Variants in TRDN observed in about 807,000 individuals in gnomAD.
TRDN encodes triadin.
A neutral mutation model predicts 149.7 loss-of-function variants in TRDN; 161 were observed. The observed-to-expected ratio is 1.08, with a 90% CI of 0.95 to 1.23. TRDN has a LOEUF of 1.23. Ranked by LOEUF, TRDN falls within the 50% of genes most tolerant of loss-of-function variation. The pLI is 0.00. For synonymous variants in TRDN, 294 were observed against 250.5 expected (o/e 1.17, Z -1.64); for missense variants, 896 against 823.5 (o/e 1.09, Z -1.08).
In TRDN at chr6:123,551,203, GATATATAT is replaced by G. The variant is rs10547981; in HGVS notation, c.233-2599_233-2592del. Among the ~76,000 whole-genome samples, 28 of 118,090 alleles carry G rather than the reference GATATATAT, an allele frequency of 2.4e-4. 4 individuals are homozygous for G. Among genetic ancestry groups the G allele is most frequent in the East Asian group, 3.9e-4 (2 of 5,102 alleles). 77.5% of individuals were successfully genotyped at this position (118,090 alleles called of 152,430 possible). On this transcript the variant is annotated intron_variant, in intron 2 of 40. Transcript: ENST00000334268. Reference sequence around the variant, plus strand: ...TTAAATGCACTGTATGTATTTTGCAGATATATATATATATATATATTGCCTGGTTCTAA... The same window carrying G: ...TTAAATGCACTGTATGTATTTTGCAGATATATATATATTGCCTGGTTCTAA...
At chr6:123,407,410 T>A (rs1773239898) in intron 12 of TRDN, among the ~76,000 whole-genome samples, 1 of 152,176 alleles carries the variant, frequency 6.6e-6, no homozygotes, top group South Asian at 2.1e-4. Context: ...ATACTATCAT[T>A]TCTTGGAAAC....
At chr6:123,614,175 T>C (rs1428939816) in intron 1 of TRDN, among the ~76,000 whole-genome samples, 6 of 151,516 alleles carry the variant, frequency 4.0e-5, no homozygotes, top group Non-Finnish European at 1.5e-5. Context: ...AAGTGATTCA[T>C]ATACATGTTA....
At chr6:123,363,584 T>G (rs1296784694) in intron 20 of TRDN, among the ~76,000 whole-genome samples, 1 of 152,200 alleles carries the variant, frequency 6.6e-6, no homozygotes, top group Non-Finnish European at 1.5e-5. Context: ...ATGTCAATAA[T>G]GCATGCGAAT....
intron 1 of TRDN, among the ~76,000 whole-genome samples, chr6:123,618,638 T>C (rs1477478592): frequency 6.6e-6 from 1 of 152,208 alleles, no homozygotes; most frequent in Non-Finnish European, 1.5e-5. Flanking sequence ...TCAGTAGACA[T>C]TGTGTGAGCA....
At chr6:123,556,025 A>G (rs1781636773) in intron 2 of TRDN, among the ~76,000 whole-genome samples, 1 of 152,188 alleles carries the variant, frequency 6.6e-6, no homozygotes, top group Non-Finnish European at 1.5e-5. Context: ...TTTTTATTTA[A>G]CACTTTAGCA....
At chr6:123,528,264 CTG>C (rs1780045845) in intron 5 of TRDN, among the ~76,000 whole-genome samples, 1 of 102,498 alleles carries the variant, frequency 9.8e-6, no homozygotes, top group Non-Finnish European at 2.1e-5. Context: ...ATTACATATT[CTG>C]TGTGATTTTT....
chr6:123,247,311 C>T (rs537875902), intron 38 of TRDN, among the ~76,000 whole-genome samples: 5 of 152,304 alleles, frequency 3.3e-5, no homozygotes, highest in African/African-American at 9.6e-5. Context: ...GTCAAATTGT[C>T]TCTGTTTGCA....
intron 9 of TRDN, among the ~76,000 whole-genome samples, chr6:123,488,401 T>C (rs1266497757): frequency 1.3e-5 from 2 of 152,170 alleles, no homozygotes; most frequent in Non-Finnish European, 2.9e-5. Context: ...TGTGGTGAGT[T>C]CAAAGTCTCC....
At chr6:123,620,169 A>G (rs2025075) in intron 1 of TRDN, among the ~76,000 whole-genome samples, 36,967 of 152,106 alleles carry the variant, frequency 0.24, 4,702 homozygotes, top group East Asian at 0.43. Context: ...TTAGTAGGGA[A>G]TTTGTTTTTA....
intron 38 of TRDN, among the ~76,000 whole-genome samples, chr6:123,232,124 A>C (rs2114523759): frequency 6.6e-6 from 1 of 152,128 alleles, no homozygotes; most frequent in Non-Finnish European, 1.5e-5. Context: ...GGAATAGCAC[A>C]GAAGAGTAGG....
intron 13 of TRDN, 140 bp from the exon 14 acceptor site, chr6:123,388,691 G>T: frequency 1.2e-6 from 1 of 856,974 alleles, no homozygotes; most frequent in Non-Finnish European, 1.8e-6. Context: ...TCTATGATAG[G>T]AGTGTAAGCA....
At chr6:123,333,273 A>C (rs1386087882) in intron 22 of TRDN, among the ~76,000 whole-genome samples, 1 of 152,002 alleles carries the variant, frequency 6.6e-6, no homozygotes, top group Non-Finnish European at 1.5e-5. Flanking sequence ...AAGATTCAGC[A>C]TGTTGATCTA....
At chr6:123,350,635 A>AT (rs1406146994) in intron 21 of TRDN, 5 of 761,770 alleles carry the variant, frequency 6.6e-6, no homozygotes, top group African/African-American at 1.9e-5. Flanking sequence ...CAAAATATCT[A>AT]TTTTTTGTAT....
chr6:123,605,937 G>T (rs1449658177), intron 1 of TRDN, among the ~76,000 whole-genome samples: 2 of 152,100 alleles, frequency 1.3e-5, no homozygotes, highest in Non-Finnish European at 2.9e-5. Flanking sequence ...AGTGGCATGG[G>T]CAGAGACTGG....
At chr6:123,363,822 C>T (rs1315001785) in intron 20 of TRDN, among the ~76,000 whole-genome samples, 1 of 152,196 alleles carries the variant, frequency 6.6e-6, no homozygotes, top group African/African-American at 2.4e-5. Context: ...ACCCTAAATA[C>T]TGTTCAATCA....
At position 123,548,548 on chromosome 6, in the gene TRDN, G is replaced by T. The variant is rs1781230745; in HGVS notation, c.297C>A (p.Thr99=). ...LKLVRDAMEE[T]TDWIYGFFSL... is the part of the protein sequence containing the mutation. Reference sequence around the variant, plus strand: ...AAAAGAAGCCATAGATCCAGTCCGTGGTTTCCTCCATAGCATCACGTACCA... The same window carrying T: ...AAAAGAAGCCATAGATCCAGTCCGTTGTTTCCTCCATAGCATCACGTACCA... Residue 99 remains threonine (T), a synonymous_variant, in exon 3 of 41, where the codon ACC becomes ACA. Coordinates refer to ENST00000334268, the MANE Select transcript of TRDN (RefSeq NM_006073.4). 2.5e-6 allele frequency: 4 copies of T among 1,575,244 alleles called. No homozygotes were observed. The East Asian group carries it at 9.2e-5, about 36-fold the overall frequency.
intron 10 of TRDN, among the ~76,000 whole-genome samples, chr6:123,451,082 C>T (rs1775739123): frequency 6.6e-6 from 1 of 152,044 alleles, no homozygotes; most frequent in Admixed American, 6.6e-5. Flanking sequence ...ACCAAAACCT[C>T]TGGGATTCAG....
intron 1 of TRDN, among the ~76,000 whole-genome samples, chr6:123,607,975 C>T (rs1360949063): frequency 6.6e-6 from 1 of 151,826 alleles, no homozygotes; most frequent in Non-Finnish European, 1.5e-5. Context: ...AGGCATGAGC[C>T]TCCAAGCCCA....
At chr6:123,488,254 G>A (rs1778056900) in intron 9 of TRDN, among the ~76,000 whole-genome samples, 1 of 152,102 alleles carries the variant, frequency 6.6e-6, no homozygotes, top group African/African-American at 2.4e-5. Context: ...AGTTTGCTGT[G>A]AGAATTAATG....
Sources: gnomAD v4.1 joint callset for allele counts (sites outside exome capture counted in the v4.1 genomes callset) on GRCh38, gnomAD v4.1.1 for gene constraint, MANE v1.5 for transcripts, NCBI Gene and HGNC (gene_info 2026-07-23, HGNC 2026-07-21) for gene names.